Variants in ADAMTS4 observed in about 807,000 individuals in gnomAD.
ADAMTS4 encodes the protein ADAM metallopeptidase with thrombospondin type 1 motif 4.
Under a neutral mutation model 66.7 loss-of-function variants are expected in ADAMTS4, and 38 were observed. The observed-to-expected ratio is 0.57, with a 90% CI of 0.44 to 0.75. The LOEUF (loss-of-function observed/expected upper bound fraction) is 0.75. Ranked by LOEUF, ADAMTS4 falls within the 30% of genes least tolerant of loss-of-function variation. The pLI, the probability that ADAMTS4 is intolerant of heterozygous loss-of-function variation, is 0.00. For synonymous variants in ADAMTS4, 418 were observed against 461.5 expected (o/e 0.91, Z 1.21); for missense variants, 1,014 against 1,116.7 (o/e 0.91, Z 1.31).
In ADAMTS4 at chr1:161,188,864, C is replaced by T. The variant is rs924213088; in HGVS notation, c.*2274G>A. On this transcript the variant is annotated 3_prime_UTR_variant, in exon 9 of 9. Transcript: ENST00000367996. ...TCCCAAGTAGCTGGGACTATAGGCACCTGTCACCATGCCCGGCTAATATAT... is the reference window on the plus strand; with the variant it reads ...TCCCAAGTAGCTGGGACTATAGGCATCTGTCACCATGCCCGGCTAATATAT... 7.7e-5 allele frequency: 7 copies of T among 90,674 alleles called. No homozygotes were observed. Among genetic ancestry groups the T allele is most frequent in the Non-Finnish European group, 1.1e-4 (5 of 43,952 alleles). 5.6% of individuals were successfully genotyped at this position (90,674 alleles called of 1,614,324 possible). A position where few individuals can be genotyped will look rare whatever the true frequency, so the allele number is the denominator to read the frequency against.
intron 2 of ADAMTS4, 106 bp downstream of exon 2, chr1:161,196,451 G>A (rs1303090324): frequency 1.5e-5 from 22 of 1,505,522 alleles, no homozygotes; most frequent in Non-Finnish European, 1.9e-5. Context: ...CTGGGGCAAG[G>A]CACCATGTCA....
intron 2 of ADAMTS4, 87 bp from the exon 3 acceptor site, chr1:161,196,390 A>G: frequency 6.5e-7 from 1 of 1,531,820 alleles, no homozygotes; most frequent in Non-Finnish European, 8.8e-7. Flanking sequence ...GGACCTGGGC[A>G]CTGAGGACCC....
chr1:161,195,899 T>G, intron 3 of ADAMTS4: 1 of 536,720 alleles, frequency 1.9e-6, no homozygotes. Flanking sequence ...ACCCCACCCA[T>G]TGTCTCTGAC....
At position 161,193,458 on chromosome 1, in the gene ADAMTS4, C is replaced by G; in HGVS notation, c.1736-70G>C. 1 of 1,569,388 alleles carries G rather than the reference C, an allele frequency of 6.4e-7. No homozygotes were observed. The highest frequency in any genetic ancestry group is 8.7e-7 in the Non-Finnish European group (1 of 1,155,654). On this transcript the variant is annotated intron_variant, in intron 6 of 8. Transcript: ENST00000367996. This position sits in a 1 kb window ranked among gnomAD's most constrained non-coding sequence, Gnocchi z 4.4. ...CACCCCACATCCCTCCACCCAACCC[C>G]TGAGAACTCTAGACAGCACAGCTCT...
chr1:161,195,189 C>T (rs551503538), intron 4 of ADAMTS4, among the ~76,000 whole-genome samples: 3 of 152,358 alleles, frequency 2.0e-5, no homozygotes, highest in Non-Finnish European at 4.4e-5. Context: ...TCACCTCCTT[C>T]ATAGCCAGCC....
In ADAMTS4 at chr1:161,194,079, A is replaced by G; in HGVS notation, c.1404T>C (p.Ala468=). ...TGAGGTGGCCAGAGCACCAGAGGGC[A>G]GCACAGGGCGGCGGCAGCTGTGGAC... ...RHCPQLPPPC[A]ALWCSGHLNG... The change falls in exon 5 of 9, where the codon GCT becomes GCC. Residue 468 remains alanine, a synonymous_variant. Transcript: ENST00000367996. The surrounding 1 kb of genome is among the most constrained non-coding windows in gnomAD (Gnocchi z 4.1). The G allele has an allele frequency of 6.2e-7, 1 of 1,614,228 alleles. No individual in the cohort carries two copies. The highest frequency in any genetic ancestry group is 2.2e-5 in the East Asian group (1 of 44,890).
chr1:161,197,857 T>C (rs771800462), intron 1 of ADAMTS4, 138 bp downstream of exon 1: 81 of 1,307,936 alleles, frequency 6.2e-5, no homozygotes, highest in Non-Finnish European at 8.0e-5. Flanking sequence ...AGGAGGCTCA[T>C]GGAGAAAGGA....
Position 161,192,072 on chromosome 1 carries a change from T to G in ADAMTS4, c.2080A>C (p.Lys694Gln), listed in dbSNP as rs1558073652. The change falls in exon 8 of 9, where the codon AAA becomes CAA. Residue 694 changes from lysine to glutamine, a missense_variant. Physicochemically the swap from Lys to Gln is moderately conservative, Grantham distance 53. Transcript: ENST00000367996. ...GCSKQSGSFR[K>Q]FRYGYNNVVT... ...GAATGATGGTGAAAGAACCTGAATTTCCTGAAGGAGCCTGACTGCTTGCTG... is the reference window on the plus strand; with the variant it reads ...GAATGATGGTGAAAGAACCTGAATTGCCTGAAGGAGCCTGACTGCTTGCTG... The G allele has an allele frequency of 1.9e-6, 3 of 1,613,832 alleles. No homozygotes were observed. The highest frequency in any genetic ancestry group is 2.5e-6 in the Non-Finnish European group (3 of 1,179,888).
Position 161,193,584 on chromosome 1 carries a change from A to T in ADAMTS4, c.1735+56T>A. 1 of 1,560,040 alleles carries T rather than the reference A, an allele frequency of 6.4e-7. No homozygotes were observed. The highest frequency in any genetic ancestry group is 8.7e-7 in the Non-Finnish European group (1 of 1,151,622). ...CCCCTTGGTCTTGCACTCAAGGGAC[A>T]GTCCTTCCTGCTCTACTGTCCCCTC... On this transcript the variant is annotated intron_variant, in intron 6 of 8. Transcript: ENST00000367996. The surrounding 1 kb of genome is among the most constrained non-coding windows in gnomAD (Gnocchi z 4.4).
At chr1:161,196,408 T>C in intron 2 of ADAMTS4, 105 bp from the exon 3 acceptor site, 2 of 1,520,194 alleles carry the variant, frequency 1.3e-6, no homozygotes, top group East Asian at 4.5e-5. Context: ...CCCAGCACTG[T>C]CAGGGCCTAG....
Position 161,193,220 on chromosome 1 carries a change from TCCAGCACATAGTAGTAGC to T in ADAMTS4, c.1886_1903del (p.Gly629_Leu634del). ...GGGTGTCCTGACCCTCACCCGTGGC[TCCAGCACATAGTAGTAGC>T]CCAGTGCCTGGGCCTGGCAGGTGAG... On this transcript the variant is annotated inframe_deletion, in exon 7 of 9. Transcript: ENST00000367996. The surrounding 1 kb of genome is among the most constrained non-coding windows in gnomAD (Gnocchi z 4.4). 1 of 1,613,072 alleles carries T rather than the reference TCCAGCACATAGTAGTAGC, an allele frequency of 6.2e-7. No individual in the cohort carries two copies. Among genetic ancestry groups the T allele is most frequent in the Non-Finnish European group, 8.5e-7 (1 of 1,179,558 alleles).
Position 161,196,835 on chromosome 1 carries a change from C to G in ADAMTS4, c.679G>C (p.Asp227His). The change falls in exon 2 of 9, where the codon GAT becomes CAT. Residue 227 changes from aspartate to histidine, a missense_variant. By Grantham distance (81) the Asp-to-His change is moderately conservative (BLOSUM62 -1). Coordinates refer to ENST00000367996, the MANE Select transcript of ADAMTS4 (RefSeq NM_005099.6). ...SRFVETLVVA[D>H]DKMAAFHGAG... ...CCGTGGAATGCGGCCATCTTGTCATCTGCCACCACCAGTGTCTCCACAAAT... is the reference window on the plus strand; with the variant it reads ...CCGTGGAATGCGGCCATCTTGTCATGTGCCACCACCAGTGTCTCCACAAAT... 1 of 1,608,806 alleles carries G rather than the reference C, an allele frequency of 6.2e-7. No individual in the cohort carries two copies. Among genetic ancestry groups the G allele is most frequent in the African/African-American group, 1.3e-5 (1 of 75,056 alleles).
Position 161,198,585 on chromosome 1 carries a change from G to A in ADAMTS4, c.43C>T (p.Arg15Cys), listed in dbSNP as rs1571591326. 4.6e-6 allele frequency: 7 copies of A among 1,535,472 alleles called. No homozygotes were observed. Among genetic ancestry groups the A allele is most frequent in the Admixed American group, 2.0e-5 (1 of 49,916 alleles). The change falls in exon 1 of 9, where the codon CGC (arginine) becomes TGC (cysteine). Residue 15 changes from arginine to cysteine, a missense_variant. Coordinates refer to ENST00000367996, the MANE Select transcript of ADAMTS4 (RefSeq NM_005099.6). The surrounding 1 kb of genome is among the most constrained non-coding windows in gnomAD (Gnocchi z 4.7). ...CAGGGTTGGGCTCCCCACAGCCAGC[G>A]CCCTGCCAAGCCCCTCCCGGGATGC... The part of the protein sequence containing the change: ...GSHPGRGLAG[R>C]WLWGAQPCLL...
chr1:161,197,877 A>C (rs1374358745), intron 1 of ADAMTS4, 118 bp downstream of exon 1: 7 of 1,432,264 alleles, frequency 4.9e-6, no homozygotes, highest in Non-Finnish European at 6.5e-6. Context: ...AAAGGCAGGC[A>C]GAAGGGAGGG....
rs746772349 is a variant in ADAMTS4 at position 161,198,805 on chromosome 1, G to A, written c.-178C>T. The A allele has an allele frequency of 4.6e-5, 27 of 592,452 alleles. No individual in the cohort carries two copies. Among genetic ancestry groups the A allele is most frequent in the Non-Finnish European group, 7.6e-5 (27 of 356,306 alleles). The allele number at this position is 592,452 out of a possible 1,614,324, so 36.7% of individuals were successfully genotyped here. A position where few individuals can be genotyped will look rare whatever the true frequency, so the allele number is the denominator to read the frequency against. On this transcript the variant is annotated 5_prime_UTR_variant, in exon 1 of 9. Coordinates refer to ENST00000367996, the MANE Select transcript of ADAMTS4 (RefSeq NM_005099.6). The surrounding 1 kb of genome is among the most constrained non-coding windows in gnomAD (Gnocchi z 4.7). Reference sequence around the variant, plus strand: ...GGAAATGGAGAAAACTTAGTCCTTGGGCTTGGGAGAGGTGCCCAGGGGTCT... The same window carrying A: ...GGAAATGGAGAAAACTTAGTCCTTGAGCTTGGGAGAGGTGCCCAGGGGTCT...
intron 7 of ADAMTS4, among the ~76,000 whole-genome samples, chr1:161,192,497 C>T (rs185888051): frequency 9.2e-5 from 14 of 152,118 alleles, no homozygotes; most frequent in Admixed American, 7.9e-4. Context: ...GTTTTATAAA[C>T]ACAAATGTAA....
Position 161,193,517 on chromosome 1 carries a change from A to C in ADAMTS4, c.1735+123T>G. On this transcript the variant is annotated intron_variant, in intron 6 of 8. Transcript: ENST00000367996. The surrounding 1 kb of genome is among the most constrained non-coding windows in gnomAD (Gnocchi z 4.4). ...CTGCAGACGGCCAAGGACAATTCCC[A>C]GAGGTTAAAGGCACTCCCCACAGCA... The C allele has an allele frequency of 6.6e-7, 1 of 1,516,500 alleles. No homozygotes were observed. Among genetic ancestry groups the C allele is most frequent in the South Asian group, 1.3e-5 (1 of 79,432 alleles). 93.9% of individuals were successfully genotyped at this position (1,516,500 alleles called of 1,614,324 possible).
chr1:161,187,836 C>T lies in ADAMTS4; in HGVS notation c.*3302G>A, dbSNP rs1248104332. On this transcript the variant is annotated 3_prime_UTR_variant, in exon 9 of 9. Transcript: ENST00000367996. ...CCCACATCCAGTACCTTCCCCAATC[C>T]CTAGCAGTCCTGCGTCTGCCTCTCA... 6.6e-6 allele frequency: 1 copy of T among 152,254 alleles called. No individual in the cohort carries two copies. The highest frequency in any genetic ancestry group is 1.5e-5 in the Non-Finnish European group (1 of 68,132). 9.4% of individuals were successfully genotyped at this position (152,254 alleles called of 1,614,324 possible).
At position 161,189,052 on chromosome 1, in the gene ADAMTS4, T is replaced by C. The variant is rs938434273; in HGVS notation, c.*2086A>G. On this transcript the variant is annotated 3_prime_UTR_variant, in exon 9 of 9. Transcript: ENST00000367996. ...GCCACCGTGCCCGATTGTTTTTGTT[T>C]TATGAAATTTTATTCTAATCTCACA... 1 of 151,594 alleles carries C rather than the reference T, an allele frequency of 6.6e-6. No individual in the cohort carries two copies. The highest frequency in any genetic ancestry group is 2.1e-4 in the South Asian group (1 of 4,786). The allele number at this position is 151,594 out of a possible 1,614,324, so 9.4% of individuals were successfully genotyped here. A position where few individuals can be genotyped will look rare whatever the true frequency, so the allele number is the denominator to read the frequency against.
Sources: gnomAD v4.1 joint callset for allele counts (sites outside exome capture counted in the v4.1 genomes callset) on GRCh38, gnomAD v4.1.1 for gene constraint, Gnocchi (gnomAD v3.1) non-coding constraint, MANE v1.5 for transcripts, NCBI Gene and HGNC (gene_info 2026-07-23, HGNC 2026-07-21) for gene names.